Variants in LRRTM4 observed in about 807,000 individuals in gnomAD.
The protein encoded by LRRTM4 is leucine-rich repeat transmembrane neuronal protein 4.
In LRRTM4, 25 loss-of-function variants were observed where a neutral mutation model predicts 47.6. The observed-to-expected ratio is 0.53, with a 90% CI of 0.38 to 0.73. The LOEUF (loss-of-function observed/expected upper bound fraction) is 0.73. Ranked by LOEUF, LRRTM4 falls within the 30% of genes least tolerant of loss-of-function variation. The probability of loss-of-function intolerance (pLI) is 0.00; values close to 1 mark genes in which losing one functional copy is unlikely to be tolerated. For missense variants in LRRTM4, 638 were observed against 713.4 expected (o/e 0.89, Z 1.20); for synonymous variants, 311 against 269.5 (o/e 1.15, Z -1.51).
At chr2:77,103,667 A>ATATATC (rs1553389712) in intron 3 of LRRTM4, among the ~76,000 whole-genome samples, 4,058 of 146,246 alleles carry the variant, frequency 0.028, 88 homozygotes, top group African/African-American at 0.038. Flanking sequence ...ATATATAGAT[A>ATATATC]TATATATCAC....
chr2:76,841,664 G>GAA (rs796357819), intron 3 of LRRTM4, among the ~76,000 whole-genome samples: 12 of 65,542 alleles, frequency 1.8e-4, no homozygotes, highest in Non-Finnish European at 2.5e-4. Flanking sequence ...GTAACCTGGA[G>GAA]AAAAAAAAAA....
intron 3 of LRRTM4, among the ~76,000 whole-genome samples, chr2:76,957,019 T>C (rs984439829): frequency 6.6e-6 from 1 of 151,692 alleles, no homozygotes; most frequent in Non-Finnish European, 1.5e-5. Flanking sequence ...ACAAATTGTG[T>C]CCATCAATGG....
chr2:77,372,506 T>A (rs1299329133), intron 3 of LRRTM4, among the ~76,000 whole-genome samples: 1 of 151,776 alleles, frequency 6.6e-6, no homozygotes, highest in Non-Finnish European at 1.5e-5. Context: ...GATTTTGGAA[T>A]GCCCTTACTA....
intron 3 of LRRTM4, among the ~76,000 whole-genome samples, chr2:77,364,150 C>A (rs1465699907): frequency 1.3e-5 from 2 of 150,374 alleles, no homozygotes; most frequent in East Asian, 2.0e-4. Flanking sequence ...AAAACAAGTT[C>A]TTGTTTATCC....
At chr2:77,257,116 C>T (rs1675791281) in intron 3 of LRRTM4, among the ~76,000 whole-genome samples, 1 of 152,020 alleles carries the variant, frequency 6.6e-6, no homozygotes, top group Non-Finnish European at 1.5e-5. Context: ...ACTCAGAAAA[C>T]TAGTACCAGA....
At chr2:76,795,835 G>A (rs1271433354) in intron 3 of LRRTM4, among the ~76,000 whole-genome samples, 32 of 152,182 alleles carry the variant, frequency 2.1e-4, no homozygotes, top group Middle Eastern at 3.4e-3. Context: ...AATAGGAACA[G>A]CTCCTGTCTA....
intron 3 of LRRTM4, among the ~76,000 whole-genome samples, chr2:77,015,909 G>T (rs1429484400): frequency 1.3e-5 from 2 of 151,750 alleles, no homozygotes; most frequent in African/African-American, 4.8e-5. Flanking sequence ...TTGAGGTCAG[G>T]AGTTCGAGAC....
chr2:77,224,624 C>G (rs965520333), intron 3 of LRRTM4, among the ~76,000 whole-genome samples: 1 of 152,222 alleles, frequency 6.6e-6, no homozygotes, highest in Non-Finnish European at 1.5e-5. Context: ...CTCATCATCA[C>G]TGGCGGTCAG....
intron 3 of LRRTM4, among the ~76,000 whole-genome samples, chr2:77,472,675 C>T (rs141918541): frequency 3.9e-5 from 6 of 152,086 alleles, no homozygotes; most frequent in South Asian, 2.1e-4. Flanking sequence ...GGGGCTACTG[C>T]GTGCATTCTA....
chr2:77,231,213 A>T (rs909865308), intron 3 of LRRTM4, among the ~76,000 whole-genome samples: 4 of 151,914 alleles, frequency 2.6e-5, no homozygotes, highest in African/African-American at 9.7e-5. Context: ...ACATGCACAC[A>T]CACACACATG....
At chr2:76,870,722 A>G (rs1332500080) in intron 3 of LRRTM4, among the ~76,000 whole-genome samples, 1 of 152,194 alleles carries the variant, frequency 6.6e-6, no homozygotes, top group Non-Finnish European at 1.5e-5. Context: ...AGAAAAAGTC[A>G]CAAAAATTCA....
chr2:76,926,639 G>A (rs1674598348), intron 3 of LRRTM4, among the ~76,000 whole-genome samples: 1 of 152,096 alleles, frequency 6.6e-6, no homozygotes, highest in Non-Finnish European at 1.5e-5. Flanking sequence ...TTGTTATGGT[G>A]TTAGTGGTTT....
intron 3 of LRRTM4, among the ~76,000 whole-genome samples, chr2:77,141,857 G>C (rs1214693777): frequency 2.0e-5 from 3 of 152,086 alleles, no homozygotes; most frequent in Admixed American, 6.6e-5. Flanking sequence ...CAACAGTTAA[G>C]AAAACAGACA....
intron 3 of LRRTM4, among the ~76,000 whole-genome samples, chr2:76,787,526 T>A (rs943636801): frequency 2.0e-5 from 3 of 151,992 alleles, no homozygotes; most frequent in Admixed American, 1.3e-4. Flanking sequence ...GAGTGGAGGT[T>A]AAAAACAGGG....
At chr2:77,026,149 C>A (rs1678444949) in intron 3 of LRRTM4, among the ~76,000 whole-genome samples, 2 of 152,074 alleles carry the variant, frequency 1.3e-5, no homozygotes, top group Non-Finnish European at 2.9e-5. Context: ...CTTTGGAATG[C>A]TTTGTAGTAA....
rs370918267 is a variant in LRRTM4 at position 76,868,374 on chromosome 2, G to A, written c.1552-119458C>T. Among the ~76,000 whole-genome samples, 5 of 152,034 alleles carry A rather than the reference G, an allele frequency of 3.3e-5. No homozygotes were observed. In the East Asian group the frequency reaches 7.7e-4, roughly 23 times the overall value. On this transcript the variant is annotated intron_variant, in intron 3 of 3. Coordinates refer to ENST00000409884, the MANE Select transcript of LRRTM4 (RefSeq NM_001134745.3). ...ACATCTCTCTGCGGACATAAGTTACGGTGGGTTTTCAAGAAATTTTTTTTA... is the reference window on the plus strand; with the variant it reads ...ACATCTCTCTGCGGACATAAGTTACAGTGGGTTTTCAAGAAATTTTTTTTA...
chr2:77,162,579 C>A (rs1419485315), intron 3 of LRRTM4, among the ~76,000 whole-genome samples: 1 of 152,126 alleles, frequency 6.6e-6, no homozygotes. Flanking sequence ...CCAGTAGGGA[C>A]CGACTGACCC....
chr2:77,069,401 ATGTGTGTGTGTGTGTGTG>A (rs3058064), intron 3 of LRRTM4, among the ~76,000 whole-genome samples: 4 of 141,474 alleles, frequency 2.8e-5, no homozygotes, highest in African/African-American at 7.8e-5. Flanking sequence ...ACATTTCACT[ATGTGTGTGTGTGTGTGTG>A]TGTGTGTGTG....
intron 3 of LRRTM4, among the ~76,000 whole-genome samples, chr2:77,307,991 G>T (rs1469694814): frequency 1.0e-5 from 1 of 99,526 alleles, no homozygotes; most frequent in Non-Finnish European, 1.8e-5. Flanking sequence ...TAAATATATA[G>T]ATATATACAA....
Sources: allele counts gnomAD v4.1 joint callset (sites outside exome capture counted in the v4.1 genomes callset), GRCh38; gene constraint gnomAD v4.1.1; transcripts MANE v1.5; gene names NCBI Gene and HGNC (gene_info 2026-07-23, HGNC 2026-07-21).